The following FKBP15 variants were observed in gnomAD, a reference collection of about 807,000 sequenced individuals.
FKBP15 encodes FKBP prolyl isomerase family member 15, also known as FK506-binding protein 15.
In FKBP15, 106 loss-of-function variants were observed where a neutral mutation model predicts 158.1. That is an observed-to-expected ratio of 0.67 (90% CI 0.57 to 0.79). The LOEUF (loss-of-function observed/expected upper bound fraction) is 0.79, where lower values mean the gene tolerates loss of function less well. FKBP15 is among the 30% of genes least tolerant of loss of function. FKBP15 has a pLI of 0.00. For synonymous variants in FKBP15, 547 were observed against 548.6 expected (o/e 1.00, Z 0.04); for missense variants, 1,287 against 1,479.1 (o/e 0.87, Z 2.13).
chr9:113,213,104 CA>C (rs1269765411), intron 1 of FKBP15, among the ~76,000 whole-genome samples: 4 of 151,870 alleles, frequency 2.6e-5, no homozygotes, highest in African/African-American at 9.7e-5. Flanking sequence ...GAAAAATCAG[CA>C]AAAATAAAAA....
chr9:113,180,189 CT>C (rs964724397), intron 19 of FKBP15, among the ~76,000 whole-genome samples: 1 of 152,148 alleles, frequency 6.6e-6, no homozygotes, highest in African/African-American at 2.4e-5. Flanking sequence ...CCCAAAAGCT[CT>C]TTTTATCTCA....
rs1346671653 is a variant in FKBP15, at chr9:113,215,640, ATATATTTT to A, written c.54-4056_54-4049del. Among the ~76,000 whole-genome samples, 20 of 100,990 alleles carry A rather than the reference ATATATTTT, an allele frequency of 2.0e-4. No homozygotes were observed. In the Admixed American group the frequency reaches 2.3e-3, roughly 11 times the overall value. 66.3% of individuals were successfully genotyped at this position (100,990 alleles called of 152,430 possible). On this transcript the variant is annotated intron_variant, in intron 1 of 27. Coordinates refer to ENST00000238256, the MANE Select transcript of FKBP15 (RefSeq NM_015258.2). ...TGTGTGTGTGTATATATATATATAT[ATATATTTT>A]TTTTTTTTTTTTTTTTTTTGAGATG...
chr9:113,213,007 G>A (rs1327226517), intron 1 of FKBP15, among the ~76,000 whole-genome samples: 2 of 152,146 alleles, frequency 1.3e-5, no homozygotes, highest in Non-Finnish European at 2.9e-5. Context: ...CAAGACCACT[G>A]CCAGGTTCAA....
chr9:113,211,405 G>T lies in FKBP15; in HGVS notation c.169+72C>A, dbSNP rs11794592. ...AACTCCTGACCTCAGGTGATCCACC[G>T]GCCTCGGCCTCCCAAAGTGCTGGGA... On this transcript the variant is annotated intron_variant, in intron 2 of 27. Coordinates refer to ENST00000238256, the MANE Select transcript of FKBP15 (RefSeq NM_015258.2). The T allele has an allele frequency of 9.3e-5, 110 of 1,188,342 alleles. No homozygotes were observed. In the South Asian group the frequency reaches 1.5e-3, roughly 16 times the overall value. 73.6% of individuals were successfully genotyped at this position (1,188,342 alleles called of 1,614,324 possible). A position where few individuals can be genotyped will look rare whatever the true frequency, so the allele number is the denominator to read the frequency against.
Position 113,198,899 on chromosome 9 carries a change from C to T in FKBP15, c.673G>A (p.Asp225Asn), listed in dbSNP as rs1460607370. ...GQVFDSTANK[D>N]KLLRLKLGSG... ...CCTAACTTCAAGCGAAGCAACTTAT[C>T]TTTGTTAGCAGTGGAGTCGAAAACC... The change falls in exon 8 of 28, where the codon GAT becomes AAT. Residue 225 changes from aspartate (D) to asparagine (N), a missense_variant. Physicochemically the swap from Asp to Asn is conservative, Grantham distance 23. Transcript: ENST00000238256. The surrounding 1 kb of genome is among the most constrained non-coding windows in gnomAD (Gnocchi z 5.2). The T allele has an allele frequency of 6.2e-7, 1 of 1,605,458 alleles. No individual in the cohort carries two copies. Among genetic ancestry groups the T allele is most frequent in the Non-Finnish European group, 8.5e-7 (1 of 1,175,602 alleles).
chr9:113,171,156 G>A (rs1830201602), intron 24 of FKBP15, among the ~76,000 whole-genome samples: 1 of 152,218 alleles, frequency 6.6e-6, no homozygotes, highest in Admixed American at 6.5e-5. Flanking sequence ...GGCCGGGCAT[G>A]GTGGCTCATG....
chr9:113,196,086 G>C (rs1449540355), intron 9 of FKBP15, among the ~76,000 whole-genome samples: 3 of 151,932 alleles, frequency 2.0e-5, no homozygotes, highest in African/African-American at 7.2e-5. Context: ...TCTGCAACTT[G>C]CTTCCTTAAC....
rs186485326 is a variant in FKBP15, at chr9:113,182,621, C to T, written c.1914+145G>A. On this transcript the variant is annotated intron_variant, in intron 19 of 27. Transcript: ENST00000238256. ...AAAACAGAAATGTAGATGATGAATA[C>T]ATGAAAACCTGCTGGGAGATATCTA... The T allele has an allele frequency of 2.1e-5, 14 of 655,108 alleles. No individual in the cohort carries two copies. In the East Asian group the frequency reaches 3.3e-4, roughly 15 times the overall value. 40.6% of individuals were successfully genotyped at this position (655,108 alleles called of 1,614,324 possible).
At chr9:113,220,417 T>C (rs1328790242) in intron 1 of FKBP15, among the ~76,000 whole-genome samples, 2 of 152,182 alleles carry the variant, frequency 1.3e-5, no homozygotes, top group Non-Finnish European at 2.9e-5. Context: ...ACCCTTCCTC[T>C]CTTTAAAGAT....
intron 25 of FKBP15, 65 bp from the exon 26 acceptor site, chr9:113,170,007 T>G: frequency 6.8e-7 from 1 of 1,463,628 alleles, no homozygotes; most frequent in Non-Finnish European, 9.0e-7. Flanking sequence ...TAATTCTTAT[T>G]AACACTACTG....
chr9:113,170,019 T>C, intron 25 of FKBP15, 77 bp from the exon 26 acceptor site: 3 of 1,446,804 alleles, frequency 2.1e-6, no homozygotes, highest in Admixed American at 2.7e-5. Flanking sequence ...ACACTACTGG[T>C]CATGTAGTTT....
intron 1 of FKBP15, among the ~76,000 whole-genome samples, chr9:113,212,270 C>G (rs1257244436): frequency 1.3e-5 from 2 of 152,068 alleles, no homozygotes; most frequent in African/African-American, 4.8e-5. Flanking sequence ...CTCACTGCAA[C>G]CTCCGCTTCC....
chr9:113,195,329 T>C (rs1830654849), intron 9 of FKBP15, among the ~76,000 whole-genome samples: 1 of 152,230 alleles, frequency 6.6e-6, no homozygotes, highest in African/African-American at 2.4e-5. Context: ...CTTGTGAATT[T>C]AATATGCATA....
At chr9:113,178,602 A>T in intron 20 of FKBP15, 28 bp downstream of exon 20, 5 of 1,561,806 alleles carry the variant, frequency 3.2e-6, no homozygotes, top group Non-Finnish European at 4.3e-6. Context: ...AATGGCAACA[A>T]TCCCAGCATC....
intron 22 of FKBP15, 118 bp from the exon 23 acceptor site, chr9:113,173,723 C>G: frequency 9.9e-7 from 1 of 1,011,674 alleles, no homozygotes; most frequent in Non-Finnish European, 1.5e-6. Flanking sequence ...CCAGATTTAA[C>G]TGGGAAACTG....
At chr9:113,209,818 G>C (rs1283913714) in intron 2 of FKBP15, among the ~76,000 whole-genome samples, 1 of 152,208 alleles carries the variant, frequency 6.6e-6, no homozygotes, top group Non-Finnish European at 1.5e-5. Flanking sequence ...AACCTCCTCT[G>C]CTCAGCTCAT....
intron 19 of FKBP15, 119 bp downstream of exon 19, chr9:113,182,647 G>A (rs1292361308): frequency 2.8e-6 from 2 of 726,326 alleles, no homozygotes; most frequent in South Asian, 1.6e-5. Flanking sequence ...GAGATATCTA[G>A]TTCTTTTTGC....
Position 113,166,027 on chromosome 9 carries a change from C to G in FKBP15, c.*51G>C. ...AGACCCAGGGTTGGCTGTGCAAAAT[C>G]ATGCTTAGGGAAGGGTTGCAGAGAA... On this transcript the variant is annotated 3_prime_UTR_variant, in exon 28 of 28. Transcript: ENST00000238256. 1 of 1,564,140 alleles carries G rather than the reference C, an allele frequency of 6.4e-7. No homozygotes were observed. Among genetic ancestry groups the G allele is most frequent in the South Asian group, 1.2e-5 (1 of 86,258 alleles).
In FKBP15 at chr9:113,190,499, T is replaced by C. The variant is rs1262489244; in HGVS notation, c.1145A>G (p.Gln382Arg). Residue 382 changes from glutamine to arginine, a missense_variant, in exon 12 of 28, where the codon CAG (glutamine) becomes CGG (arginine). Coordinates refer to ENST00000238256, the MANE Select transcript of FKBP15 (RefSeq NM_015258.2). ...GATTTCTGAATCATTGGAATCCAGC[T>C]GTGGTGGAAGGATGGGCAGCATGGG... ...GQPMLPILPP[Q>R]LDSNDSEIED... 1.2e-6 allele frequency: 2 copies of C among 1,611,968 alleles called. No homozygotes were observed. Among genetic ancestry groups the C allele is most frequent in the East Asian group, 4.5e-5 (2 of 44,820 alleles).
Sources: gnomAD v4.1 joint callset for allele counts (sites outside exome capture counted in the v4.1 genomes callset) on GRCh38, gnomAD v4.1.1 for gene constraint, Gnocchi (gnomAD v3.1) non-coding constraint, MANE v1.5 for transcripts, NCBI Gene and HGNC (gene_info 2026-07-23, HGNC 2026-07-21) for gene names.